Variants in MYBPC2 observed in about 807,000 individuals in gnomAD.
MYBPC2 encodes the protein myosin binding protein C2.
Under a neutral mutation model 137.0 loss-of-function variants are expected in MYBPC2, and 122 were observed. That is an observed-to-expected ratio of 0.89 (90% CI 0.77 to 1.03). The LOEUF is 1.03. Ranked by LOEUF, MYBPC2 falls within the 50% of genes least tolerant of loss-of-function variation. MYBPC2 has a pLI of 0.00. For missense variants in MYBPC2, 1,500 were observed against 1,534.4 expected (o/e 0.98, Z 0.37); for synonymous variants, 626 against 612.3 (o/e 1.02, Z -0.33).
At chr19:50,456,599 T>C (rs2039916905) in intron 20 of MYBPC2, among the ~76,000 whole-genome samples, 1 of 144,236 alleles carries the variant, frequency 6.9e-6, no homozygotes. Context: ...CCCAGCTAAT[T>C]TTTTTTTTTT....
In MYBPC2 at chr19:50,462,480, A is replaced by G. The variant is rs2039980918; in HGVS notation, c.3228+444A>G. 2.0e-5 allele frequency among the ~76,000 whole-genome samples: 3 copies of G among 151,388 alleles called. No homozygotes were observed. In the South Asian group the frequency reaches 6.3e-4, roughly 32 times the overall value. ...ATTACAGGTGTGAGCCACCACGCCC[A>G]GACTGGACTTGCTCACTTTTCACCC... On this transcript the variant is annotated intron_variant, in intron 26 of 27. Coordinates refer to ENST00000357701, the MANE Select transcript of MYBPC2 (RefSeq NM_004533.4).
At chr19:50,452,818 A>G (rs1259858172) in intron 16 of MYBPC2, among the ~76,000 whole-genome samples, 1 of 152,118 alleles carries the variant, frequency 6.6e-6, no homozygotes, top group Non-Finnish European at 1.5e-5. Context: ...TTGGCCTCCC[A>G]AAGTGTTGGG....
In MYBPC2 at chr19:50,435,062, T is replaced by G. The variant is rs1601279169; in HGVS notation, c.20-99T>G. Reference sequence around the variant, plus strand: ...GGCTGGGGGCCTGGACTCCTGGGTCTGAGGGAGGAGGGGCTGGGGGGTCTG... The same window carrying G: ...GGCTGGGGGCCTGGACTCCTGGGTCGGAGGGAGGAGGGGCTGGGGGGTCTG... On this transcript the variant is annotated intron_variant, in intron 1 of 27. Transcript: ENST00000357701. The surrounding 1 kb of genome is among the most constrained non-coding windows in gnomAD (Gnocchi z 4.8). 7 of 676,350 alleles carry G rather than the reference T, an allele frequency of 1.0e-5. No individual in the cohort carries two copies. The East Asian group carries it at 2.0e-4, about 20-fold the overall frequency. 41.9% of individuals were successfully genotyped at this position (676,350 alleles called of 1,614,324 possible).
Position 50,461,926 on chromosome 19 carries a change from A to G in MYBPC2, c.3118A>G (p.Lys1040Glu). ...AATCACCTTCAAACCGTTCGAGTAT[A>G]AGGAGCATGACTTCCGGATGGCTCC... is the stretch of plus-strand genomic sequence containing the variant. ...TGITFKPFEY[K>E]EHDFRMAPKF... The change falls in exon 26 of 28, where the codon AAG becomes GAG. Residue 1040 changes from lysine to glutamate, a missense_variant. Lys to Glu is a moderately conservative substitution (Grantham distance 56). Transcript: ENST00000357701. 6.3e-7 allele frequency: 1 copy of G among 1,597,346 alleles called. No homozygotes were observed. Among genetic ancestry groups the G allele is most frequent in the Non-Finnish European group, 8.5e-7 (1 of 1,171,506 alleles).
Position 50,454,037 on chromosome 19 carries a change from G to A in MYBPC2, c.1767G>A (p.Glu589=). 6.2e-7 allele frequency: 1 copy of A among 1,604,946 alleles called. No homozygotes were observed. Among genetic ancestry groups the A allele is most frequent in the Non-Finnish European group, 8.5e-7 (1 of 1,176,168 alleles). The change falls in exon 17 of 28, where the codon GAG becomes GAA. Residue 589 remains glutamate (E), a synonymous_variant. Coordinates refer to ENST00000357701, the MANE Select transcript of MYBPC2 (RefSeq NM_004533.4). ...GCGTTCAGGTATTCACGACCACCGA[G>A]GGCAGGACCCGCATCGAGAAGCGGG... The part of the protein sequence containing the change: ...LKGDEVFTTT[E]GRTRIEKRVD...
At chr19:50,444,427 AG>A (rs1485050081) in intron 11 of MYBPC2, among the ~76,000 whole-genome samples, 4 of 152,120 alleles carry the variant, frequency 2.6e-5, no homozygotes, top group African/African-American at 9.7e-5. Context: ...ATCAATCCAG[AG>A]ATCTATCCAT....
At chr19:50,450,621 A>G (rs1250629278) in intron 13 of MYBPC2, among the ~76,000 whole-genome samples, 1 of 152,160 alleles carries the variant, frequency 6.6e-6, no homozygotes, top group Non-Finnish European at 1.5e-5. Context: ...CCTATTTTAT[A>G]GATGAAGAAA....
At chr19:50,442,342 C>T (rs545775814) in intron 9 of MYBPC2, 29 bp downstream of exon 9, 38 of 1,601,576 alleles carry the variant, frequency 2.4e-5, no homozygotes, top group Middle Eastern at 1.7e-4. Flanking sequence ...GTCCCTGCAC[C>T]GGGGAGATCC....
intron 20 of MYBPC2, among the ~76,000 whole-genome samples, chr19:50,457,680 GT>G (rs544491551): frequency 1.9e-3 from 235 of 126,378 alleles, no homozygotes; most frequent in Non-Finnish European, 1.7e-3. Flanking sequence ...CCTGGGGAAA[GT>G]TTTTTTTTTT....
chr19:50,454,425 T>A lies in MYBPC2; in HGVS notation c.2014+56T>A, dbSNP rs868529287. 1,396 of 1,156,684 alleles carry A rather than the reference T, an allele frequency of 1.2e-3. 1 individual carries two copies. The highest frequency in any genetic ancestry group is 3.8e-3 in the Admixed American group (122 of 31,834). 71.7% of individuals were successfully genotyped at this position (1,156,684 alleles called of 1,614,324 possible). On this transcript the variant is annotated intron_variant, in intron 18 of 27. Coordinates refer to ENST00000357701, the MANE Select transcript of MYBPC2 (RefSeq NM_004533.4). The stretch of plus-strand genomic sequence containing the variant: ...CTTCCCTCTTTCTGCCTTCTGTTTT[T>A]TTTTTTTTTTTTTTTTTTGAGATGG...
chr19:50,461,932 C>T lies in MYBPC2; in HGVS notation c.3124C>T (p.His1042Tyr), dbSNP rs1341515193. Reference protein sequence around the residue: ...ITFKPFEYKEHDFRMAPKFLT... With the variant: ...ITFKPFEYKEYDFRMAPKFLT... The stretch of plus-strand genomic sequence containing the variant: ...CTTCAAACCGTTCGAGTATAAGGAG[C>T]ATGACTTCCGGATGGCTCCCAAGTT... Residue 1042 changes from histidine to tyrosine, a missense_variant, in exon 26 of 28, where the codon CAT becomes TAT. Transcript: ENST00000357701. 2 of 1,596,462 alleles carry T rather than the reference C, an allele frequency of 1.3e-6. No individual in the cohort carries two copies. Among genetic ancestry groups the T allele is most frequent in the East Asian group, 4.5e-5 (2 of 44,156 alleles).
rs763152892 is a variant in MYBPC2 at position 50,443,820 on chromosome 19, A to G, written c.1133+4A>G. On this transcript the variant is annotated splice_donor_region_variant and intron_variant, in intron 11 of 27. Coordinates refer to ENST00000357701, the MANE Select transcript of MYBPC2 (RefSeq NM_004533.4). ...AAGAGGGTGCCCAGGTGATGTGGTA[A>G]GTGACCCTTGATCCCTGATCTCCAT... is the stretch of plus-strand genomic sequence containing the variant. The G allele has an allele frequency of 1.9e-6, 3 of 1,611,938 alleles. No homozygotes were observed. The highest frequency in any genetic ancestry group is 2.5e-6 in the Non-Finnish European group (3 of 1,178,444).
In MYBPC2 at chr19:50,435,538, C is replaced by T. The variant is rs185907172; in HGVS notation, c.110-238C>T. Among the ~76,000 whole-genome samples the T allele has an allele frequency of 4.6e-5, 7 of 152,344 alleles. No homozygotes were observed. The highest frequency in any genetic ancestry group is 1.4e-4 in the African/African-American group (6 of 41,582). ...GCCCCAAAGGCACATTCAGTGCCCTCCAGTCCACAGATGAGGAAACCGAGG... is the reference window on the plus strand; with the variant it reads ...GCCCCAAAGGCACATTCAGTGCCCTTCAGTCCACAGATGAGGAAACCGAGG... On this transcript the variant is annotated intron_variant, in intron 2 of 27. Coordinates refer to ENST00000357701, the MANE Select transcript of MYBPC2 (RefSeq NM_004533.4). The surrounding 1 kb of genome is among the most constrained non-coding windows in gnomAD (Gnocchi z 4.8).
rs948479290 is a variant in MYBPC2 at position 50,436,489 on chromosome 19, G to A, written c.346-128G>A. 4 of 850,520 alleles carry A rather than the reference G, an allele frequency of 4.7e-6. No homozygotes were observed. In the South Asian group the frequency reaches 5.0e-5, roughly 11 times the overall value. The allele number at this position is 850,520 out of a possible 1,614,324, so 52.7% of individuals were successfully genotyped here. A position where few individuals can be genotyped will look rare whatever the true frequency, so the allele number is the denominator to read the frequency against. The stretch of plus-strand genomic sequence containing the variant: ...GCCACCAGGTGCTGAGACCCCTCTC[G>A]GTCTCCATTGGCCCCCCTGTGGGGT... On this transcript the variant is annotated intron_variant, in intron 4 of 27. Transcript: ENST00000357701.
rs1233277900 is a variant in MYBPC2, at chr19:50,458,615, G to A, written c.2367G>A (p.Glu789=). The change falls in exon 21 of 28, where the codon GAG becomes GAA. Residue 789 remains glutamate (E), a synonymous_variant. Transcript: ENST00000357701. ...GSEEWVPANT[E]PVERCGFTVK... ...AGGAATGGGTCCCTGCCAACACCGA[G>A]CCCGTGGAGCGCTGTGGCTTCACCG... The A allele has an allele frequency of 3.1e-6, 5 of 1,612,590 alleles. No homozygotes were observed. The highest frequency in any genetic ancestry group is 1.7e-5 in the Admixed American group (1 of 59,988).
At chr19:50,462,208 A>G (rs1455564678) in intron 26 of MYBPC2, among the ~76,000 whole-genome samples, 172 bp downstream of exon 26, 1 of 150,172 alleles carries the variant, frequency 6.7e-6, no homozygotes, top group Non-Finnish European at 1.5e-5. Flanking sequence ...TTTTTTTGAG[A>G]CAGGGTCTTG....
intron 26 of MYBPC2, 81 bp downstream of exon 26, chr19:50,462,117 G>A (rs1363296150): frequency 2.7e-6 from 4 of 1,458,602 alleles, no homozygotes; most frequent in South Asian, 1.4e-5. Context: ...TCCCCATCAC[G>A]CCAGTTCTTC....
chr19:50,459,235 C>A lies in MYBPC2; in HGVS notation c.2720C>A (p.Ser907Tyr), dbSNP rs1371685376. The change falls in exon 23 of 28, where the codon TCC becomes TAC. Residue 907 changes from serine (S) to tyrosine (Y), a missense_variant. Ser to Tyr is a moderately radical substitution (Grantham distance 144). Coordinates refer to ENST00000357701, the MANE Select transcript of MYBPC2 (RefSeq NM_004533.4). ...GTGCGCCAGGCGGCCCGCTCCGACTCCGGGGAGTACGAGCTGAGCGTGCAG... is the reference window on the plus strand; with the variant it reads ...GTGCGCCAGGCGGCCCGCTCCGACTACGGGGAGTACGAGCTGAGCGTGCAG... ...FFVRQAARSD[S>Y]GEYELSVQIE... 2 of 1,611,438 alleles carry A rather than the reference C, an allele frequency of 1.2e-6. No individual in the cohort carries two copies. The highest frequency in any genetic ancestry group is 1.6e-4 in the Middle Eastern group (1 of 6,062).
chr19:50,441,563 G>T (rs1220835070), intron 8 of MYBPC2, among the ~76,000 whole-genome samples: 1 of 152,184 alleles, frequency 6.6e-6, no homozygotes, highest in Non-Finnish European at 1.5e-5. Flanking sequence ...TTTCAGGCTG[G>T]GTGCAGTGGC....
Sources: allele counts gnomAD v4.1 joint callset (sites outside exome capture counted in the v4.1 genomes callset), GRCh38; gene constraint gnomAD v4.1.1; non-coding constraint Gnocchi (gnomAD v3.1); transcripts MANE v1.5; gene names NCBI Gene and HGNC (gene_info 2026-07-23, HGNC 2026-07-21).